Variants in NKAIN2 observed in about 807,000 individuals in gnomAD.
NKAIN2 encodes sodium/potassium-transporting ATPase subunit beta-1-interacting protein 2.
A neutral mutation model predicts 32.6 loss-of-function variants in NKAIN2; 14 were observed. The ratio of observed to expected loss-of-function variants is 0.43; its 90% CI spans 0.28 to 0.67. The LOEUF is 0.67. Among genes scored for constraint, NKAIN2 ranks in the 30% least tolerant of loss-of-function variants. The pLI is 0.17. For missense variants in NKAIN2, 198 were observed against 258.3 expected, an observed-to-expected ratio of 0.77 and a Z score of 1.60; for synonymous variants, 80 against 87.2, an observed-to-expected ratio of 0.92 and a Z score of 0.46.
chr6:124,694,105 G>A (rs1052291166), intron 4 of NKAIN2, among the ~76,000 whole-genome samples: 2 of 152,152 alleles, frequency 1.3e-5, no homozygotes, highest in South Asian at 2.1e-4. Context: ...TTAAAAGCAC[G>A]TTTGCATATA....
At chr6:124,278,671 A>G (rs1244473168) in intron 1 of NKAIN2, among the ~76,000 whole-genome samples, 6 of 121,770 alleles carry the variant, frequency 4.9e-5, no homozygotes, top group South Asian at 2.4e-4. Context: ...ATATATATAT[A>G]TATATATATA....
At chr6:124,815,225 C>CAT (rs56841213) in intron 5 of NKAIN2, among the ~76,000 whole-genome samples, 18,816 of 136,830 alleles carry the variant, frequency 0.14, 2,427 homozygotes, top group African/African-American at 0.34. Flanking sequence ...TATATATATA[C>CAT]ATATATATAT....
chr6:124,790,384 T>C (rs1173584725), intron 4 of NKAIN2, among the ~76,000 whole-genome samples: 1 of 152,006 alleles, frequency 6.6e-6, no homozygotes, highest in Non-Finnish European at 1.5e-5. Flanking sequence ...GACTGCAGCT[T>C]TTCCTAATGT....
Position 124,718,318 on chromosome 6 carries a change from G to A in NKAIN2, c.474+59932G>A, listed in dbSNP as rs367732288. On this transcript the variant is annotated intron_variant, in intron 4 of 6. Transcript: ENST00000368417. ...CCTACTCTGTGCTTTTCGTCTGAGTGCAATCATACGACATGTTGTCTTTAG... is the reference window on the plus strand; with the variant it reads ...CCTACTCTGTGCTTTTCGTCTGAGTACAATCATACGACATGTTGTCTTTAG... Among the ~76,000 whole-genome samples, 6 of 152,226 alleles carry A rather than the reference G, an allele frequency of 3.9e-5. No individual in the cohort carries two copies. In the East Asian group the frequency reaches 5.8e-4, roughly 15 times the overall value.
intron 2 of NKAIN2, among the ~76,000 whole-genome samples, chr6:124,302,050 G>A (rs979888023): frequency 6.6e-6 from 1 of 152,132 alleles, no homozygotes; most frequent in South Asian, 2.1e-4. Context: ...GTCAAGGGTG[G>A]GGCCAGGCAG....
chr6:124,664,793 C>CAAAAAAA (rs57032378), intron 4 of NKAIN2, among the ~76,000 whole-genome samples: 16 of 40,804 alleles, frequency 3.9e-4, no homozygotes, highest in South Asian at 1.7e-3. Context: ...GACTCCGTCT[C>CAAAAAAA]AAAAAAAAAA....
chr6:124,042,431 G>A (rs1781912000), intron 1 of NKAIN2, among the ~76,000 whole-genome samples: 1 of 151,920 alleles, frequency 6.6e-6, no homozygotes, highest in African/African-American at 2.4e-5. Context: ...AGCTGCCAAG[G>A]GCTTCCAAAT....
intron 1 of NKAIN2, among the ~76,000 whole-genome samples, chr6:124,060,561 C>G (rs189053269): frequency 9.9e-5 from 15 of 152,216 alleles, no homozygotes; most frequent in Admixed American, 5.2e-4. Flanking sequence ...TTCACAGTTT[C>G]CAGAAACAGA....
intron 4 of NKAIN2, among the ~76,000 whole-genome samples, chr6:124,699,030 C>T (rs1475699753): frequency 6.6e-6 from 1 of 152,112 alleles, no homozygotes; most frequent in Non-Finnish European, 1.5e-5. Context: ...CTTCAGCTTC[C>T]CTGTCTATAA....
At chr6:124,739,294 C>T (rs568089384) in intron 4 of NKAIN2, among the ~76,000 whole-genome samples, 36 of 151,962 alleles carry the variant, frequency 2.4e-4, no homozygotes, top group African/African-American at 7.9e-4. Flanking sequence ...TATAAAAACA[C>T]ATCTTCACCT....
At chr6:124,488,676 A>G (rs1777746814) in intron 3 of NKAIN2, among the ~76,000 whole-genome samples, 1 of 152,032 alleles carries the variant, frequency 6.6e-6, no homozygotes, top group Admixed American at 6.6e-5. Flanking sequence ...TGAGATGATG[A>G]GCAGATGGAG....
rs56183476 is a variant in NKAIN2, at chr6:124,135,515, TAAAA to T, written c.55-147472_55-147469del. ...AAAACAGACTTTAAAGCAACGATAG[TAAAA>T]AAAAAAAAAAAAAAAAAGAAGACAT... On this transcript the variant is annotated intron_variant, in intron 1 of 6. Coordinates refer to ENST00000368417, the MANE Select transcript of NKAIN2 (RefSeq NM_001040214.3). Among the ~76,000 whole-genome samples the T allele has an allele frequency of 5.0e-4, 50 of 100,358 alleles. No homozygotes were observed. In the South Asian group the frequency reaches 9.9e-3, roughly 20 times the overall value. 65.8% of individuals were successfully genotyped at this position (100,358 alleles called of 152,430 possible). A position where few individuals can be genotyped will look rare whatever the true frequency, so the allele number is the denominator to read the frequency against.
intron 3 of NKAIN2, among the ~76,000 whole-genome samples, chr6:124,638,230 A>AG (rs1783845755): frequency 6.6e-6 from 1 of 152,118 alleles, no homozygotes; most frequent in Non-Finnish European, 1.5e-5. Context: ...ATGAAACTAG[A>AG]CCCCTCTCTC....
intron 3 of NKAIN2, among the ~76,000 whole-genome samples, chr6:124,504,957 A>T (rs946158694): frequency 8.5e-5 from 13 of 152,218 alleles, no homozygotes; most frequent in Admixed American, 8.5e-4. Flanking sequence ...ATTCTTGTGT[A>T]TTCTTCGTGC....
chr6:124,603,396 T>G (rs1782380075), intron 3 of NKAIN2, among the ~76,000 whole-genome samples: 2 of 151,990 alleles, frequency 1.3e-5, no homozygotes, highest in African/African-American at 4.8e-5. Context: ...ATTCCTGCAT[T>G]TCTATTTTCA....
intron 3 of NKAIN2, among the ~76,000 whole-genome samples, chr6:124,484,658 T>A (rs564967999): frequency 1.3e-5 from 2 of 152,180 alleles, no homozygotes; most frequent in African/African-American, 4.8e-5. Context: ...ATATGTGAGA[T>A]AACTGAACAC....
chr6:124,511,885 T>G (rs1388702557), intron 3 of NKAIN2, among the ~76,000 whole-genome samples: 1 of 152,182 alleles, frequency 6.6e-6, no homozygotes, highest in African/African-American at 2.4e-5. Flanking sequence ...ATTTGCTCAT[T>G]TGACACACTT....
intron 1 of NKAIN2, among the ~76,000 whole-genome samples, chr6:124,215,663 A>G (rs926222312): frequency 2.6e-5 from 4 of 152,182 alleles, no homozygotes; most frequent in South Asian, 2.1e-4. Context: ...CCTAACTGTC[A>G]TAAGAGTAAG....
chr6:124,268,004 T>C (rs567887931), intron 1 of NKAIN2, among the ~76,000 whole-genome samples: 1 of 152,224 alleles, frequency 6.6e-6, no homozygotes, highest in Non-Finnish European at 1.5e-5. Flanking sequence ...ATGTAGTCTT[T>C]TTAATATGCT....
Sources: allele counts gnomAD v4.1 joint callset (sites outside exome capture counted in the v4.1 genomes callset), GRCh38; gene constraint gnomAD v4.1.1; transcripts MANE v1.5; gene names NCBI Gene and HGNC (gene_info 2026-07-23, HGNC 2026-07-21).